Variants in MINAR1 observed in about 807,000 individuals in gnomAD.
MINAR1 encodes the protein major intrinsically disordered Notch2-binding receptor 1.
Under a neutral mutation model 65.1 loss-of-function variants are expected in MINAR1, and 40 were observed. The ratio of observed to expected loss-of-function variants is 0.61; its 90% CI spans 0.48 to 0.80. The LOEUF (loss-of-function observed/expected upper bound fraction) is 0.80. Ranked by LOEUF, MINAR1 falls within the 30% of genes least tolerant of loss-of-function variation. The pLI is 0.00. For synonymous variants in MINAR1, 482 were observed against 449.1 expected, an observed-to-expected ratio of 1.07 and a Z score of -0.93; for missense variants, 1,128 against 1,148.0, an observed-to-expected ratio of 0.98 and a Z score of 0.25.
chr15:79,452,188 AGT>A (rs944200475), intron 1 of MINAR1, among the ~76,000 whole-genome samples: 10 of 132,616 alleles, frequency 7.5e-5, no homozygotes, highest in Non-Finnish European at 9.2e-5. Flanking sequence ...GGTCTGTGTG[AGT>A]GTGTGTAGGT....
At chr15:79,440,801 C>G (rs1297750389) in intron 1 of MINAR1, among the ~76,000 whole-genome samples, 4 of 152,126 alleles carry the variant, frequency 2.6e-5, no homozygotes, top group African/African-American at 4.8e-5. Context: ...TCTTTCTAAC[C>G]CCTTTTTCTG....
chr15:79,458,361 T>G lies in MINAR1; in HGVS notation c.2214T>G (p.Tyr738Ter). Residue 738 changes from tyrosine to a stop codon, truncating the protein, a stop_gained, in exon 2 of 4, where the codon TAT (tyrosine) becomes TAG (stop). Coordinates refer to ENST00000305428, the MANE Select transcript of MINAR1 (RefSeq NM_015206.3). LOFTEE classifies it high-confidence loss of function. The part of the protein sequence containing the change: ...NSPRDWRTIT[Y>*]TNRVGLNEEE... Reference sequence around the variant, plus strand: ...CCAGAGACTGGCGCACCATCACTTATACCAACCGTGTGGGCCTCAATGAGG... The same window carrying G: ...CCAGAGACTGGCGCACCATCACTTAGACCAACCGTGTGGGCCTCAATGAGG... 6.2e-7 allele frequency: 1 copy of G among 1,614,186 alleles called. No individual in the cohort carries two copies. Among genetic ancestry groups the G allele is most frequent in the East Asian group, 2.2e-5 (1 of 44,884 alleles).
chr15:79,465,848 C>T (rs551890413), intron 3 of MINAR1, among the ~76,000 whole-genome samples: 4 of 152,074 alleles, frequency 2.6e-5, no homozygotes, highest in African/African-American at 7.2e-5. Context: ...CAAAATATGC[C>T]CTTTAGTGCC....
chr15:79,434,684 T>G (rs1032980993), intron 1 of MINAR1, among the ~76,000 whole-genome samples: 1 of 152,228 alleles, frequency 6.6e-6, no homozygotes, highest in Admixed American at 6.5e-5. Context: ...TCCCACTGAT[T>G]AGCTTTTCCC....
chr15:79,471,869 T>TCAGTATATACTGTATACTGTACTATG lies in MINAR1; in HGVS notation c.*3486_*3511dup, dbSNP rs1427952145. 1.3e-5 allele frequency: 2 copies of TCAGTATATACTGTATACTGTACTATG among 152,662 alleles called. No individual in the cohort carries two copies. The highest frequency in any genetic ancestry group is 4.8e-5 in the African/African-American group (2 of 41,462). The allele number at this position is 152,662 out of a possible 1,614,324, so 9.5% of individuals were successfully genotyped here. ...TGTGGTCAATTGTGTGAATACCAAA[T>TCAGTATATACTGTATACTGTACTATG]CAGTATATACTGTATACTGTACTAT... is the stretch of plus-strand genomic sequence containing the variant. On this transcript the variant is annotated 3_prime_UTR_variant, in exon 4 of 4. Transcript: ENST00000305428.
chr15:79,422,490 G>A, the MINAR1 span: 10 of 151,574 alleles, frequency 6.6e-5, no homozygotes, highest in African/African-American at 2.2e-4. Context: ...GGAGGTTGCA[G>A]TGAGTCAAGA....
At chr15:79,414,625 A>G in the MINAR1 span, 1 of 152,162 alleles carries the variant, frequency 6.6e-6, no homozygotes, top group Non-Finnish European at 1.5e-5. Flanking sequence ...TGGAGATAAG[A>G]ATGAGGATGG....
chr15:79,416,114 A>C, the MINAR1 span: 2 of 152,208 alleles, frequency 1.3e-5, no homozygotes, highest in Non-Finnish European at 2.9e-5. Flanking sequence ...ATTTCATTTT[A>C]GTGGTCGAGG....
the MINAR1 span, chr15:79,417,432 C>G: frequency 6.6e-6 from 1 of 152,248 alleles, no homozygotes; most frequent in East Asian, 1.9e-4. Flanking sequence ...ATGTGGATCC[C>G]GAAGACGGGC....
chr15:79,439,754 C>A (rs1894817395), intron 1 of MINAR1, among the ~76,000 whole-genome samples: 1 of 151,850 alleles, frequency 6.6e-6, no homozygotes, highest in African/African-American at 2.4e-5. Context: ...GTGTCTGGCT[C>A]AGGTTGGGTG....
Position 79,471,959 on chromosome 15 carries a change from A to T in MINAR1, c.*3575A>T, listed in dbSNP as rs1433345761. On this transcript the variant is annotated 3_prime_UTR_variant, in exon 4 of 4. Transcript: ENST00000305428. ...GGTATAATTGGGGAAAAGGGTATTC[A>T]ATATTTATTAAGTAACAATGAGAAA... is the stretch of plus-strand genomic sequence containing the variant. 6.6e-6 allele frequency: 1 copy of T among 152,650 alleles called. No individual in the cohort carries two copies. Among genetic ancestry groups the T allele is most frequent in the Non-Finnish European group, 1.5e-5 (1 of 68,038 alleles). 9.5% of individuals were successfully genotyped at this position (152,650 alleles called of 1,614,324 possible). A position where few individuals can be genotyped will look rare whatever the true frequency, so the allele number is the denominator to read the frequency against.
intron 1 of MINAR1, among the ~76,000 whole-genome samples, chr15:79,437,792 T>TGTGGATGGGGTGGGTAGTGTGTGGAGG: frequency 5.3e-5 from 1 of 19,046 alleles, no homozygotes. Context: ...GTGTGTGGGG[T>TGTGGATGGGGTGGGTAGTGTGTGGAGG]GTGGGGTTGG....
In MINAR1 at chr15:79,456,891, TG is replaced by T. The variant is rs1448559522; in HGVS notation, c.745del (p.Val249TrpfsTer19). ...CCTTCATTTCCAATGAGGAGCCATTTGTGGTCCAGTCCTGTGTCCAGAAAAG... is the reference window on the plus strand; with the variant it reads ...CCTTCATTTCCAATGAGGAGCCATTTTGGTCCAGTCCTGTGTCCAGAAAAG... ...ETFISNEEPFVVQSCVQKRNI... is the reference protein window; with the variant it reads ...ETFISNEEPFXVQSCVQKRNI... On this transcript the variant is annotated frameshift_variant, in exon 2 of 4. Transcript: ENST00000305428. LOFTEE classifies it high-confidence loss of function. 1.2e-6 allele frequency: 2 copies of T among 1,614,098 alleles called. No individual in the cohort carries two copies.
At position 79,456,803 on chromosome 15, in the gene MINAR1, A is replaced by G. The variant is rs1464136479; in HGVS notation, c.656A>G (p.Asn219Ser). ...CEMQRTYFPM[N>S]IENESISDQD... Reference sequence around the variant, plus strand: ...ATGCAGAGGACCTACTTCCCCATGAACATCGAAAACGAGTCCATTTCAGAC... The same window carrying G: ...ATGCAGAGGACCTACTTCCCCATGAGCATCGAAAACGAGTCCATTTCAGAC... Residue 219 changes from asparagine to serine, a missense_variant, in exon 2 of 4, where the codon AAC becomes AGC. Coordinates refer to ENST00000305428, the MANE Select transcript of MINAR1 (RefSeq NM_015206.3). 4.3e-6 allele frequency: 7 copies of G among 1,614,054 alleles called. No individual in the cohort carries two copies. Among genetic ancestry groups the G allele is most frequent in the Non-Finnish European group, 5.9e-6 (7 of 1,180,044 alleles).
chr15:79,444,844 C>G (rs1894968494), intron 1 of MINAR1, among the ~76,000 whole-genome samples: 1 of 151,476 alleles, frequency 6.6e-6, no homozygotes, highest in African/African-American at 2.4e-5. Context: ...GCCAGCATTA[C>G]TTGAAAAGAA....
At chr15:79,411,594 C>T in the MINAR1 span, 1 of 677,284 alleles carries the variant, frequency 1.5e-6, no homozygotes, top group African/African-American at 1.8e-5. Flanking sequence ...ACAGAGCTAC[C>T]ATGCACTGGG....
chr15:79,468,321 C>T lies in MINAR1; in HGVS notation c.2688C>T (p.Ile896=), dbSNP rs151300850. The T allele has an allele frequency of 8.8e-5, 142 of 1,613,958 alleles. No homozygotes were observed. The African/African-American group carries it at 1.6e-3, about 18-fold the overall frequency. The change falls in exon 4 of 4, where the codon ATC becomes ATT. Residue 896 remains isoleucine, a synonymous_variant. Coordinates refer to ENST00000305428, the MANE Select transcript of MINAR1 (RefSeq NM_015206.3). ...RAKVCKIAAL[I]AAAACTVILV... ...AGGTCTGCAAGATAGCTGCTCTGAT[C>T]GCTGCTGCGGCATGCACCGTCATCC...
Position 79,437,938 on chromosome 15 carries a change from G to GA in MINAR1, c.-51+5398_-51+5399insA, listed in dbSNP as rs201090313. Among the ~76,000 whole-genome samples, 15 of 4,672 alleles carry GA rather than the reference G, an allele frequency of 3.2e-3. 3 individuals carry two copies. The highest frequency in any genetic ancestry group is 6.2e-3 in the Non-Finnish European group (13 of 2,096). 3.1% of individuals were successfully genotyped at this position (4,672 alleles called of 152,430 possible). A position where few individuals can be genotyped will look rare whatever the true frequency, so the allele number is the denominator to read the frequency against. On this transcript the variant is annotated intron_variant, in intron 1 of 3. Transcript: ENST00000305428. Reference sequence around the variant, plus strand: ...GAGTGTGTGGGGTGTGGATGGGGTGGTAGTGAGTGTGTGGGGTGTGGGTGG... The same window carrying GA: ...GAGTGTGTGGGGTGTGGATGGGGTGGATAGTGAGTGTGTGGGGTGTGGGTGG...
chr15:79,448,248 G>T (rs1895075996), intron 1 of MINAR1, among the ~76,000 whole-genome samples: 1 of 152,178 alleles, frequency 6.6e-6, no homozygotes, highest in Admixed American at 6.5e-5. Flanking sequence ...CAAGGGCTTT[G>T]CACTAGGGTT....
Sources: gnomAD v4.1 joint callset for allele counts (sites outside exome capture counted in the v4.1 genomes callset) on GRCh38, gnomAD v4.1.1 for gene constraint, MANE v1.5 for transcripts, NCBI Gene and HGNC (gene_info 2026-07-23, HGNC 2026-07-21) for gene names.